The following ADAMTSL3 variants were observed in gnomAD, a reference collection of about 807,000 sequenced individuals.
ADAMTSL3 encodes ADAMTS-like protein 3.
Under a neutral mutation model 201.7 loss-of-function variants are expected in ADAMTSL3, and 128 were observed. The ratio of observed to expected loss-of-function variants is 0.63; its 90% CI spans 0.55 to 0.73. The LOEUF is 0.73. ADAMTSL3 is among the 30% of genes least tolerant of loss of function. ADAMTSL3 has a pLI of 0.00. For missense variants in ADAMTSL3, 1,990 were observed against 2,119.6 expected, an observed-to-expected ratio of 0.94 and a Z score of 1.20; for synonymous variants, 738 against 748.4, an observed-to-expected ratio of 0.99 and a Z score of 0.23.
chr15:83,984,747 A>G (rs866168414), intron 21 of ADAMTSL3, among the ~76,000 whole-genome samples: 1 of 152,216 alleles, frequency 6.6e-6, no homozygotes, highest in Non-Finnish European at 1.5e-5. Context: ...ATTACTGATA[A>G]CAGTGGAATT....
At chr15:83,757,409 C>G (rs983847416) in intron 3 of ADAMTSL3, among the ~76,000 whole-genome samples, 2 of 144,564 alleles carry the variant, frequency 1.4e-5, no homozygotes, top group African/African-American at 5.0e-5. Context: ...TGAGTTGTAC[C>G]TTGGCCCCTT....
chr15:83,871,644 C>T (rs1043966095), intron 9 of ADAMTSL3, among the ~76,000 whole-genome samples: 1 of 152,200 alleles, frequency 6.6e-6, no homozygotes, highest in Non-Finnish European at 1.5e-5. Flanking sequence ...AACTCTTCTT[C>T]TCTGGAACCA....
At chr15:83,880,101 C>G (rs930032349) in intron 9 of ADAMTSL3, among the ~76,000 whole-genome samples, 13 of 151,940 alleles carry the variant, frequency 8.6e-5, no homozygotes, top group Non-Finnish European at 1.5e-4. Context: ...ATCAACTGGG[C>G]TATGGTGTAA....
chr15:83,742,426 TA>T (rs1326661023), intron 3 of ADAMTSL3, among the ~76,000 whole-genome samples: 1 of 151,956 alleles, frequency 6.6e-6, no homozygotes, highest in East Asian at 1.9e-4. Flanking sequence ...AAACAAAATA[TA>T]CCTAAAGGAA....
intron 7 of ADAMTSL3, among the ~76,000 whole-genome samples, chr15:83,842,990 T>C (rs2141990435): frequency 6.6e-6 from 1 of 152,312 alleles, no homozygotes; most frequent in African/African-American, 2.4e-5. Context: ...CAAAGGGCAG[T>C]CTTATTTGGA....
chr15:83,858,647 A>G, intron 7 of ADAMTSL3, 119 bp from the exon 8 acceptor site: 1 of 754,502 alleles, frequency 1.3e-6, no homozygotes, highest in Non-Finnish European at 2.2e-6. Flanking sequence ...TGCTAGGATT[A>G]CAGAAATGAA....
rs76627193 is a variant in ADAMTSL3, at chr15:83,810,495, A to G, written c.363+5800A>G. On this transcript the variant is annotated intron_variant, in intron 5 of 29. Transcript: ENST00000286744. ...TTTATTGTTGTGGTAACATATTACT[A>G]TAAATATAGTGGCTTAAAACAAGAC... is the stretch of plus-strand genomic sequence containing the variant. 2.8e-3 allele frequency among the ~76,000 whole-genome samples: 431 copies of G among 152,356 alleles called. 2 individuals carry two copies. The highest frequency in any genetic ancestry group is 0.01 in the African/African-American group (423 of 41,590).
chr15:83,885,018 A>G lies in ADAMTSL3; in HGVS notation c.961-83A>G, dbSNP rs139516467. On this transcript the variant is annotated intron_variant, in intron 9 of 29. Transcript: ENST00000286744. ...GGATGGGTGGTTGTCTACATACATGAAGAACATTTATCTTATTTTGAAAGG... is the reference window on the plus strand; with the variant it reads ...GGATGGGTGGTTGTCTACATACATGGAGAACATTTATCTTATTTTGAAAGG... 237 of 877,562 alleles carry G rather than the reference A, an allele frequency of 2.7e-4. 1 individual carries two copies. Among genetic ancestry groups the G allele is most frequent in the Non-Finnish European group, 3.8e-4 (208 of 551,330 alleles). The allele number at this position is 877,562 out of a possible 1,614,324, so 54.4% of individuals were successfully genotyped here. A position where few individuals can be genotyped will look rare whatever the true frequency, so the allele number is the denominator to read the frequency against.
chr15:83,938,692 CAG>C (rs1477172091), intron 17 of ADAMTSL3, among the ~76,000 whole-genome samples: 3 of 152,138 alleles, frequency 2.0e-5, no homozygotes, highest in African/African-American at 7.2e-5. Context: ...AAATCTCTAT[CAG>C]AGTTTATTCT....
intron 19 of ADAMTSL3, among the ~76,000 whole-genome samples, chr15:83,963,728 AG>A (rs2067021648): frequency 6.6e-6 from 1 of 152,214 alleles, no homozygotes; most frequent in African/African-American, 2.4e-5. Context: ...ACCTCTCAGT[AG>A]GGGCTGACAG....
At chr15:83,888,613 G>A (rs1032937072) in intron 10 of ADAMTSL3, among the ~76,000 whole-genome samples, 1 of 152,202 alleles carries the variant, frequency 6.6e-6, no homozygotes, top group Non-Finnish European at 1.5e-5. Flanking sequence ...GGGGGTACTT[G>A]AATGGACTTT....
At chr15:83,738,106 A>G (rs75697354) in intron 3 of ADAMTSL3, among the ~76,000 whole-genome samples, 13,430 of 152,274 alleles carry the variant, frequency 0.088, 734 homozygotes, top group Admixed American at 0.19. Context: ...AATAACAACA[A>G]AAACAAGAAT....
At chr15:83,669,924 C>G (rs951827258) in intron 2 of ADAMTSL3, among the ~76,000 whole-genome samples, 15 of 151,772 alleles carry the variant, frequency 9.9e-5, no homozygotes, top group Non-Finnish European at 1.9e-4. Flanking sequence ...AATCAGGTCT[C>G]CCTGATCTGC....
At chr15:83,948,376 A>C (rs942059972) in intron 19 of ADAMTSL3, among the ~76,000 whole-genome samples, 2 of 151,576 alleles carry the variant, frequency 1.3e-5, no homozygotes, top group Admixed American at 6.6e-5. Flanking sequence ...ATGTTTTGAA[A>C]CATTTACCAG....
intron 5 of ADAMTSL3, among the ~76,000 whole-genome samples, chr15:83,818,744 G>A (rs2063808246): frequency 6.6e-6 from 1 of 152,168 alleles, no homozygotes; most frequent in Non-Finnish European, 1.5e-5. Context: ...GAAATATCTG[G>A]TGGGCGGAAT....
intron 19 of ADAMTSL3, among the ~76,000 whole-genome samples, chr15:83,968,755 A>G (rs1389705593): frequency 6.6e-6 from 1 of 152,254 alleles, no homozygotes; most frequent in African/African-American, 2.4e-5. Flanking sequence ...ACTTGGAACC[A>G]ACCCAAATGC....
intron 17 of ADAMTSL3, among the ~76,000 whole-genome samples, chr15:83,927,639 A>G (rs2066273802): frequency 1.3e-5 from 2 of 152,224 alleles, no homozygotes; most frequent in Non-Finnish European, 2.9e-5. Flanking sequence ...TTTTCTGTAT[A>G]TGAAAACTGA....
intron 15 of ADAMTSL3, among the ~76,000 whole-genome samples, chr15:83,909,609 G>A (rs112230844): frequency 1.3e-5 from 2 of 151,984 alleles, no homozygotes; most frequent in African/African-American, 4.8e-5. Context: ...CCATCAATGA[G>A]TGGTTTTTTT....
chr15:83,752,422 A>G (rs1404982105), intron 3 of ADAMTSL3, among the ~76,000 whole-genome samples: 4 of 152,222 alleles, frequency 2.6e-5, no homozygotes, highest in Non-Finnish European at 5.9e-5. Context: ...CTAATAAATG[A>G]TTAATTTAAT....
Sources: allele counts gnomAD v4.1 joint callset (sites outside exome capture counted in the v4.1 genomes callset), GRCh38; gene constraint gnomAD v4.1.1; transcripts MANE v1.5; gene names NCBI Gene and HGNC (gene_info 2026-07-23, HGNC 2026-07-21).